Variants in AP3S2 observed in about 807,000 individuals in gnomAD.
The protein encoded by AP3S2 is adaptor related protein complex 3 subunit sigma 2, also known as AP-3 complex subunit sigma-2.
A neutral mutation model predicts 23.4 loss-of-function variants in AP3S2; 22 were observed. The ratio of observed to expected loss-of-function variants is 0.94; its 90% CI spans 0.67 to 1.34. AP3S2 has a LOEUF of 1.34. Ranked by LOEUF, AP3S2 falls within the 40% of genes most tolerant of loss-of-function variation. AP3S2 has a pLI of 0.00. For missense variants in AP3S2, 241 were observed against 236.9 expected, an observed-to-expected ratio of 1.02 and a Z score of -0.11; for synonymous variants, 86 against 87.1, an observed-to-expected ratio of 0.99 and a Z score of 0.07.
chr15:89,856,347 G>A (rs990831017), intron 4 of AP3S2, among the ~76,000 whole-genome samples: 3 of 152,150 alleles, frequency 2.0e-5, no homozygotes, highest in African/African-American at 7.2e-5. Flanking sequence ...TGGATCACTC[G>A]AGGTCAGGAA....
At chr15:89,867,168 ACG>A (rs1472631567) in intron 4 of AP3S2, among the ~76,000 whole-genome samples, 5 of 145,478 alleles carry the variant, frequency 3.4e-5, no homozygotes, top group African/African-American at 1.0e-4. Context: ...GATTGCAGGC[ACG>A]CGCCGCCACG....
intron 4 of AP3S2, among the ~76,000 whole-genome samples, chr15:89,849,665 C>T (rs1048061101): frequency 6.6e-6 from 1 of 152,060 alleles, no homozygotes; most frequent in African/African-American, 2.4e-5. Flanking sequence ...CTGCGCCCAG[C>T]CTATGAATTG....
At chr15:89,859,340 C>G (rs867002683) in intron 4 of AP3S2, among the ~76,000 whole-genome samples, 9 of 139,996 alleles carry the variant, frequency 6.4e-5, no homozygotes, top group Admixed American at 4.5e-4. Context: ...TCCTTCCTTT[C>G]CTTCCTTCCT....
At chr15:89,859,399 C>CTTTCTTTT (rs1895954693) in intron 4 of AP3S2, among the ~76,000 whole-genome samples, 5 of 118,048 alleles carry the variant, frequency 4.2e-5, no homozygotes, top group Non-Finnish European at 6.6e-5. Context: ...TTCTTTCTTT[C>CTTTCTTTT]TTTTTTTTTT....
rs147265617 is a variant in AP3S2, at chr15:89,863,379, G to A, written c.345+8096C>T. On this transcript the variant is annotated intron_variant, in intron 4 of 5. Coordinates refer to ENST00000336418, the MANE Select transcript of AP3S2 (RefSeq NM_005829.5). ...CCATGGGAAGGGCTGTATTCACTCCGAGACCAGGGCATTCTGTGTAGACAC... is the reference window on the plus strand; with the variant it reads ...CCATGGGAAGGGCTGTATTCACTCCAAGACCAGGGCATTCTGTGTAGACAC... 4.6e-5 allele frequency among the ~76,000 whole-genome samples: 7 copies of A among 152,262 alleles called. No individual in the cohort carries two copies. The South Asian group carries it at 6.2e-4, about 14-fold the overall frequency.
Position 89,832,303 on chromosome 15 carries a change from A to G in AP3S2, c.*3212T>C, listed in dbSNP as rs1310307919. On this transcript the variant is annotated 3_prime_UTR_variant, in exon 6 of 6. Coordinates refer to ENST00000336418, the MANE Select transcript of AP3S2 (RefSeq NM_005829.5). ...TACTAAAAAAATAAAACTAGCCAGGAGTGGTGGTTGCGTGCCTGTGGTTCC... is the reference window on the plus strand; with the variant it reads ...TACTAAAAAAATAAAACTAGCCAGGGGTGGTGGTTGCGTGCCTGTGGTTCC... 1 of 151,900 alleles carries G rather than the reference A, an allele frequency of 6.6e-6. No individual in the cohort carries two copies. 9.4% of individuals were successfully genotyped at this position (151,900 alleles called of 1,614,324 possible).
chr15:89,884,560 C>T (rs1212968827), intron 3 of AP3S2, among the ~76,000 whole-genome samples: 1 of 151,968 alleles, frequency 6.6e-6, no homozygotes, highest in Non-Finnish European at 1.5e-5. Context: ...GTCTCACAAT[C>T]CCTTGGTTCA....
chr15:89,871,908 C>T lies in AP3S2; in HGVS notation c.274-362G>A, dbSNP rs189901975. Among the ~76,000 whole-genome samples the T allele has an allele frequency of 4.2e-4, 64 of 152,082 alleles. 1 individual carries two copies. Among genetic ancestry groups the T allele is most frequent in the Non-Finnish European group, 2.1e-4 (14 of 67,980 alleles). On this transcript the variant is annotated intron_variant, in intron 3 of 5. Coordinates refer to ENST00000336418, the MANE Select transcript of AP3S2 (RefSeq NM_005829.5). ...AGGATCACTTGAGGCCAAGAGCTCA[C>T]GACCAGCCTTGCTAACAAGACGAAA...
intron 4 of AP3S2, chr15:89,852,313 C>T (rs1456425792): frequency 6.6e-6 from 1 of 152,204 alleles, no homozygotes; most frequent in African/African-American, 2.4e-5. Context: ...AGTAAGTACT[C>T]GGATGTTGGT....
At chr15:89,844,249 TTCTTTCTTTCTTTCTTTCTTTCTC>T (rs199773608) in intron 4 of AP3S2, among the ~76,000 whole-genome samples, 4,216 of 50,178 alleles carry the variant, frequency 0.084, 160 homozygotes, top group African/African-American at 0.14. Context: ...CTTTCTTTCT[TTCTTTCTTTCTTTCTTTCTTTCTC>T]TCTCTCTCTC....
chr15:89,873,132 G>A (rs1169044398), intron 3 of AP3S2, among the ~76,000 whole-genome samples: 1 of 152,084 alleles, frequency 6.6e-6, no homozygotes, highest in Non-Finnish European at 1.5e-5. Flanking sequence ...TCACTATGCT[G>A]GGTACTTGGT....
intron 4 of AP3S2, chr15:89,845,350 G>C (rs1402181476): frequency 6.6e-6 from 1 of 152,234 alleles, no homozygotes. Context: ...AAGTGTAAGT[G>C]AGCAATGGAT....
intron 1 of AP3S2, among the ~76,000 whole-genome samples, chr15:89,889,967 G>C (rs1335186937): frequency 6.7e-6 from 1 of 150,186 alleles, no homozygotes; most frequent in Non-Finnish European, 1.5e-5. Flanking sequence ...TGGTAATATA[G>C]ATACTACATA....
chr15:89,848,691 A>G (rs538183493), intron 4 of AP3S2: 8 of 152,324 alleles, frequency 5.3e-5, no homozygotes, highest in Admixed American at 1.3e-4. Context: ...GCTTCAGAAA[A>G]TAAGTAGGGA....
chr15:89,831,285 G>C lies in AP3S2; in HGVS notation c.*4230C>G, dbSNP rs1163758707. ...TTAACCCAGAGGACAGCATCCACCA[G>C]CCTGCAAGCACGGACCCCGTGCTGG... On this transcript the variant is annotated 3_prime_UTR_variant, in exon 6 of 6. Coordinates refer to ENST00000336418, the MANE Select transcript of AP3S2 (RefSeq NM_005829.5). 1 of 152,222 alleles carries C rather than the reference G, an allele frequency of 6.6e-6. No individual in the cohort carries two copies. Among genetic ancestry groups the C allele is most frequent in the Non-Finnish European group, 1.5e-5 (1 of 68,056 alleles). 9.4% of individuals were successfully genotyped at this position (152,222 alleles called of 1,614,324 possible). A position where few individuals can be genotyped will look rare whatever the true frequency, so the allele number is the denominator to read the frequency against.
chr15:89,883,040 T>A (rs1896609400), intron 3 of AP3S2, among the ~76,000 whole-genome samples: 1 of 152,212 alleles, frequency 6.6e-6, no homozygotes, highest in South Asian at 2.1e-4. Context: ...CCTTTGTTTT[T>A]TCTTTAAGAT....
chr15:89,871,628 G>C, intron 3 of AP3S2, 82 bp from the exon 4 acceptor site: 1 of 1,414,302 alleles, frequency 7.1e-7, no homozygotes, highest in Non-Finnish European at 9.8e-7. Flanking sequence ...GAAAGTAAAA[G>C]GGGCTGTCAC....
At chr15:89,877,626 A>G (rs1362252829) in intron 3 of AP3S2, among the ~76,000 whole-genome samples, 3 of 152,056 alleles carry the variant, frequency 2.0e-5, no homozygotes, top group African/African-American at 7.2e-5. Context: ...AGGCAGGTGG[A>G]TCACTTGAGG....
At position 89,886,804 on chromosome 15, in the gene AP3S2, T is replaced by A. The variant is rs76836780; in HGVS notation, c.273+1717A>T. Among the ~76,000 whole-genome samples, 1,320 of 152,284 alleles carry A rather than the reference T, an allele frequency of 8.7e-3. 31 individuals carry two copies. Among genetic ancestry groups the A allele is most frequent in the African/African-American group, 0.03 (1,247 of 41,564 alleles). On this transcript the variant is annotated intron_variant, in intron 3 of 5. Coordinates refer to ENST00000336418, the MANE Select transcript of AP3S2 (RefSeq NM_005829.5). ...CTGATGCTAGATCTTGAGCTTTTTTTCTTTTTTTGAGACAGGGTCTCACTC... is the reference window on the plus strand; with the variant it reads ...CTGATGCTAGATCTTGAGCTTTTTTACTTTTTTTGAGACAGGGTCTCACTC...
Sources: gnomAD v4.1 joint callset for allele counts (sites outside exome capture counted in the v4.1 genomes callset) on GRCh38, gnomAD v4.1.1 for gene constraint, MANE v1.5 for transcripts, NCBI Gene and HGNC (gene_info 2026-07-23, HGNC 2026-07-21) for gene names.